MAP2K4: variants seen among roughly 807,000 people sequenced by gnomAD.
The protein encoded by MAP2K4 is dual specificity mitogen-activated protein kinase kinase 4.
In MAP2K4, 4 loss-of-function variants were observed where a neutral mutation model predicts 48.5. The ratio of observed to expected loss-of-function variants is 0.08; its 90% CI spans 0.04 to 0.19. MAP2K4 has a LOEUF of 0.19. MAP2K4 is among the 10% of genes least tolerant of loss of function. The pLI, the probability that MAP2K4 is intolerant of heterozygous loss-of-function variation, is 1.00. For synonymous variants in MAP2K4, 166 were observed against 173.1 expected, an observed-to-expected ratio of 0.96 and a Z score of 0.32; for missense variants, 258 against 493.3, an observed-to-expected ratio of 0.52 and a Z score of 4.52.
intron 2 of MAP2K4, among the ~76,000 whole-genome samples, chr17:12,063,506 C>A (rs545219686): frequency 7.2e-5 from 11 of 152,156 alleles, no homozygotes; most frequent in African/African-American, 2.7e-4. Flanking sequence ...GGATCATTGA[C>A]CTAAAAGTAA....
intron 3 of MAP2K4, among the ~76,000 whole-genome samples, chr17:12,086,558 C>T (rs1163459351): frequency 6.6e-6 from 1 of 152,118 alleles, no homozygotes; most frequent in East Asian, 1.9e-4. Flanking sequence ...AAAATCAGTA[C>T]TGTTCGGGGT....
chr17:12,101,946 G>C (rs1013514803), intron 4 of MAP2K4, among the ~76,000 whole-genome samples: 22 of 152,032 alleles, frequency 1.4e-4, no homozygotes, highest in African/African-American at 5.3e-4. Context: ...CATTTTGTCT[G>C]TGAATAAAGA....
intron 5 of MAP2K4, among the ~76,000 whole-genome samples, chr17:12,108,950 C>G (rs1972217507): frequency 6.6e-6 from 1 of 151,548 alleles, no homozygotes. Context: ...TATATTAAAC[C>G]CGTGTTATCT....
intron 9 of MAP2K4, among the ~76,000 whole-genome samples, chr17:12,139,626 A>G (rs1249497150): frequency 6.6e-6 from 1 of 152,202 alleles, no homozygotes; most frequent in East Asian, 1.9e-4. Flanking sequence ...TTAACTAATC[A>G]TCCTACACTG....
chr17:12,130,239 A>T (rs1972980368), intron 9 of MAP2K4, among the ~76,000 whole-genome samples: 5 of 152,108 alleles, frequency 3.3e-5, no homozygotes, highest in Admixed American at 3.3e-4. Context: ...AGTCTCTTTC[A>T]TCTTCTGTAA....
rs1199699785 is a variant in MAP2K4 at position 12,048,383 on chromosome 17, G to A, written c.116-6506G>A. Among the ~76,000 whole-genome samples, 4 of 152,056 alleles carry A rather than the reference G, an allele frequency of 2.6e-5. No individual in the cohort carries two copies. The East Asian group carries it at 5.8e-4, about 22-fold the overall frequency. ...TAAAATGTGCTAAAAGTTGCTGTTG[G>A]GATATTTACTTGATTTCTTAAACTC... On this transcript the variant is annotated intron_variant, in intron 1 of 10. Transcript: ENST00000353533.
chr17:12,069,560 A>T (rs928826814), intron 2 of MAP2K4: 10 of 206,326 alleles, frequency 4.8e-5, no homozygotes, highest in Non-Finnish European at 8.0e-5. Context: ...CATTCTGTTC[A>T]CTAAATATGA....
At chr17:12,072,603 A>G (rs959531571) in intron 2 of MAP2K4, among the ~76,000 whole-genome samples, 1 of 152,200 alleles carries the variant, frequency 6.6e-6, no homozygotes, top group Admixed American at 6.5e-5. Flanking sequence ...TAAGAATATC[A>G]TAAGGAACTA....
rs182702708 is a variant in MAP2K4 at position 12,098,437 on chromosome 17, C to T, written c.513+2743C>T. ...AGGTTGCAGTGAGCCAAGATCATGC[C>T]GCTGCAGTCCAGCCTGGGCAACAGA... On this transcript the variant is annotated intron_variant, in intron 4 of 10. Transcript: ENST00000353533. Among the ~76,000 whole-genome samples the T allele has an allele frequency of 2.9e-4, 43 of 149,896 alleles. No homozygotes were observed. In the East Asian group the frequency reaches 6.1e-3, roughly 21 times the overall value.
intron 9 of MAP2K4, among the ~76,000 whole-genome samples, chr17:12,139,043 C>T (rs554000748): frequency 9.2e-5 from 14 of 152,180 alleles, no homozygotes; most frequent in Non-Finnish European, 1.8e-4. Flanking sequence ...TAGCACATTG[C>T]AGTATCTGTT....
chr17:12,079,198 A>C (rs1971110415), intron 2 of MAP2K4, among the ~76,000 whole-genome samples: 1 of 152,224 alleles, frequency 6.6e-6, no homozygotes, highest in Non-Finnish European at 1.5e-5. Context: ...TTTGGATATT[A>C]GCCCAAGTAG....
chr17:12,095,437 A>C, intron 3 of MAP2K4, 138 bp from the exon 4 acceptor site: 1 of 868,584 alleles, frequency 1.2e-6, no homozygotes, highest in Non-Finnish European at 1.9e-6. Context: ...GAAAGATGAT[A>C]ATTTTCATAT....
At position 12,143,191 on chromosome 17, in the gene MAP2K4, G is replaced by C. The variant is rs1973430070; in HGVS notation, c.*1931G>C. On this transcript the variant is annotated 3_prime_UTR_variant, in exon 11 of 11. Coordinates refer to ENST00000353533, the MANE Select transcript of MAP2K4 (RefSeq NM_003010.4). Reference sequence around the variant, plus strand: ...CTCCATTGCTCCCGGGGACTCAAGAGGAATCTGTTTCTCTGCTGTCAACTT... The same window carrying C: ...CTCCATTGCTCCCGGGGACTCAAGACGAATCTGTTTCTCTGCTGTCAACTT... 4.3e-6 allele frequency: 1 copy of C among 232,918 alleles called. No individual in the cohort carries two copies. The highest frequency in any genetic ancestry group is 1.8e-4 in the South Asian group (1 of 5,534). 14.4% of individuals were successfully genotyped at this position (232,918 alleles called of 1,614,324 possible). A position where few individuals can be genotyped will look rare whatever the true frequency, so the allele number is the denominator to read the frequency against.
intron 1 of MAP2K4, among the ~76,000 whole-genome samples, chr17:12,044,384 C>A (rs1264920133): frequency 6.6e-6 from 1 of 152,156 alleles, no homozygotes; most frequent in Non-Finnish European, 1.5e-5. Context: ...TTATTCTAAT[C>A]TACTTGCTAA....
chr17:12,031,407 A>AGCTT (rs1240576427), intron 1 of MAP2K4, among the ~76,000 whole-genome samples: 2 of 152,134 alleles, frequency 1.3e-5, no homozygotes, highest in Admixed American at 1.3e-4. Flanking sequence ...AGTTATTGTA[A>AGCTT]GCTTACTTCC....
In MAP2K4 at chr17:12,143,410, A is replaced by G. The variant is rs1407592410; in HGVS notation, c.*2150A>G. 1 of 232,726 alleles carries G rather than the reference A, an allele frequency of 4.3e-6. No individual in the cohort carries two copies. Among genetic ancestry groups the G allele is most frequent in the African/African-American group, 2.2e-5 (1 of 45,326 alleles). The allele number at this position is 232,726 out of a possible 1,614,324, so 14.4% of individuals were successfully genotyped here. A position where few individuals can be genotyped will look rare whatever the true frequency, so the allele number is the denominator to read the frequency against. On this transcript the variant is annotated 3_prime_UTR_variant, in exon 11 of 11. Coordinates refer to ENST00000353533, the MANE Select transcript of MAP2K4 (RefSeq NM_003010.4). ...GAGTTTATTACAATGTATCTTTATT[A>G]AAACAAAAGGGTGTATAGTGTTCAC...
At chr17:12,113,504 C>A in intron 7 of MAP2K4, 144 bp downstream of exon 7, 1 of 916,482 alleles carries the variant, frequency 1.1e-6, no homozygotes, top group South Asian at 2.5e-5. Context: ...CAGGTCCTAG[C>A]CTCTCCATGA....
At chr17:12,092,705 C>T (rs1044634285) in intron 3 of MAP2K4, among the ~76,000 whole-genome samples, 11 of 152,282 alleles carry the variant, frequency 7.2e-5, no homozygotes, top group African/African-American at 2.6e-4. Context: ...ATAAATGTTA[C>T]AGTTCAACCC....
chr17:12,095,487 G>A (rs753343981), intron 3 of MAP2K4, 88 bp from the exon 4 acceptor site: 205 of 1,446,070 alleles, frequency 1.4e-4, no homozygotes, highest in Non-Finnish European at 3.5e-5. Flanking sequence ...GTCTCGTAAC[G>A]GTTTTTCTCT....
Sources: allele counts gnomAD v4.1 joint callset (sites outside exome capture counted in the v4.1 genomes callset), GRCh38; gene constraint gnomAD v4.1.1; transcripts MANE v1.5; gene names NCBI Gene and HGNC (gene_info 2026-07-23, HGNC 2026-07-21).